Variants in SUGCT observed in about 807,000 individuals in gnomAD.
SUGCT encodes the protein succinyl-CoA:glutarate-CoA transferase.
SUGCT carries 41 observed loss-of-function variants against 55.0 expected under a neutral mutation model. That is an observed-to-expected ratio of 0.74 (90% CI 0.58 to 0.97). The LOEUF (loss-of-function observed/expected upper bound fraction) is 0.97, where lower values mean the gene tolerates loss of function less well. SUGCT is among the 50% of genes least tolerant of loss of function. SUGCT has a pLI of 0.00. For synonymous variants in SUGCT, 187 were observed against 200.4 expected (o/e 0.93, Z 0.56); for missense variants, 568 against 547.8 (o/e 1.04, Z -0.37).
At chr7:40,805,807 T>C (rs895591994) in intron 13 of SUGCT, among the ~76,000 whole-genome samples, 1 of 152,220 alleles carries the variant, frequency 6.6e-6, no homozygotes, top group Non-Finnish European at 1.5e-5. Flanking sequence ...TTCACGTTCC[T>C]GTAAAACATT....
intron 12 of SUGCT, among the ~76,000 whole-genome samples, chr7:40,575,027 C>G (rs757898986): frequency 6.6e-6 from 1 of 151,570 alleles, no homozygotes; most frequent in Non-Finnish European, 1.5e-5. Flanking sequence ...CATCGCACTG[C>G]CTCTGCATCC....
chr7:40,773,536 C>A (rs1789293464), intron 13 of SUGCT, among the ~76,000 whole-genome samples: 1 of 152,160 alleles, frequency 6.6e-6, no homozygotes, highest in Non-Finnish European at 1.5e-5. Context: ...ACAACATCAG[C>A]ATAGTGATGG....
At chr7:40,793,552 G>A (rs1790416712) in intron 13 of SUGCT, among the ~76,000 whole-genome samples, 1 of 151,726 alleles carries the variant, frequency 6.6e-6, no homozygotes, top group South Asian at 2.1e-4. Flanking sequence ...TTTTGTCTTG[G>A]ACTTTATTTT....
the SUGCT span, among the ~76,000 whole-genome samples, chr7:41,018,599 A>G: frequency 6.6e-6 from 1 of 152,184 alleles, no homozygotes; most frequent in East Asian, 1.9e-4. Context: ...TCAGAGATTG[A>G]TAGTATTTAA....
At chr7:40,695,424 A>T (rs1457759830) in intron 12 of SUGCT, among the ~76,000 whole-genome samples, 1 of 151,868 alleles carries the variant, frequency 6.6e-6, no homozygotes, top group East Asian at 1.9e-4. Flanking sequence ...TCTCGAGCTC[A>T]TGGGCTCAAG....
chr7:40,296,740 A>C (rs1794175913), intron 8 of SUGCT, among the ~76,000 whole-genome samples: 2 of 151,458 alleles, frequency 1.3e-5, no homozygotes, highest in Admixed American at 1.3e-4. Context: ...TGGTTAGGAA[A>C]ACCTTAGTCT....
chr7:40,167,817 G>A (rs527956980), intron 1 of SUGCT, among the ~76,000 whole-genome samples: 382 of 152,256 alleles, frequency 2.5e-3, no homozygotes, highest in Admixed American at 4.2e-3. Flanking sequence ...GCGGGTCTGC[G>A]ACAGCAGCAA....
At chr7:40,239,301 G>T (rs1467790096) in intron 7 of SUGCT, among the ~76,000 whole-genome samples, 1 of 151,986 alleles carries the variant, frequency 6.6e-6, no homozygotes, top group Non-Finnish European at 1.5e-5. Flanking sequence ...GGCTTGTCTT[G>T]AACTCCTGGA....
At chr7:40,898,186 C>T in the SUGCT span, among the ~76,000 whole-genome samples, 1 of 152,114 alleles carries the variant, frequency 6.6e-6, no homozygotes, top group African/African-American at 2.4e-5. Flanking sequence ...GACTGAACAA[C>T]TCTGGACGTG....
chr7:40,649,144 T>G (rs1800656727), intron 12 of SUGCT, among the ~76,000 whole-genome samples: 1 of 152,170 alleles, frequency 6.6e-6, no homozygotes, highest in South Asian at 2.1e-4. Context: ...TTTTCTCTGG[T>G]GTTTTGAAAT....
At chr7:40,944,611 G>C in the SUGCT span, among the ~76,000 whole-genome samples, 1 of 152,094 alleles carries the variant, frequency 6.6e-6, no homozygotes, top group Admixed American at 6.6e-5. Context: ...TGTTATTTCT[G>C]AGGGCTCTGT....
intron 12 of SUGCT, among the ~76,000 whole-genome samples, chr7:40,678,987 G>A (rs547149348): frequency 6.6e-6 from 1 of 152,158 alleles, no homozygotes; most frequent in Non-Finnish European, 1.5e-5. Flanking sequence ...GTTGACTTTG[G>A]TAGCCACCTA....
chr7:40,312,102 C>G (rs577038131), intron 8 of SUGCT, among the ~76,000 whole-genome samples: 1 of 150,326 alleles, frequency 6.7e-6, no homozygotes, highest in African/African-American at 2.5e-5. Flanking sequence ...TGCAATGGCG[C>G]GATCTCGGCT....
At chr7:40,272,101 A>G (rs1241921168) in intron 7 of SUGCT, among the ~76,000 whole-genome samples, 1 of 125,354 alleles carries the variant, frequency 8.0e-6, no homozygotes, top group African/African-American at 3.4e-5. Flanking sequence ...CTCTCTATAT[A>G]TATATATATA....
At chr7:41,002,730 A>G in the SUGCT span, among the ~76,000 whole-genome samples, 18 of 152,342 alleles carry the variant, frequency 1.2e-4, no homozygotes, top group East Asian at 3.5e-3. Flanking sequence ...TAGGTGTCAG[A>G]CACTTTCTGA....
intron 5 of SUGCT, among the ~76,000 whole-genome samples, chr7:40,192,975 T>G (rs1534674): frequency 0.48 from 66,925 of 140,438 alleles, 15,165 homozygotes; most frequent in Middle Eastern, 0.61. Context: ...TAGTGTTTTT[T>G]TTTTTTTTTT....
intron 12 of SUGCT, among the ~76,000 whole-genome samples, chr7:40,730,403 A>G (rs868121058): frequency 2.0e-5 from 3 of 152,140 alleles, no homozygotes; most frequent in African/African-American, 7.2e-5. Context: ...CACCATGCCC[A>G]GTCTATTTTT....
chr7:40,139,179 T>C, intron 1 of SUGCT, among the ~76,000 whole-genome samples: 1 of 144,678 alleles, frequency 6.9e-6, no homozygotes, highest in Non-Finnish European at 1.5e-5. Flanking sequence ...AATAAATAAA[T>C]CCAGGATTCA....
In SUGCT at chr7:40,634,513, C is replaced by T. The variant is rs762993074; in HGVS notation, c.1090-114921C>T. Among the ~76,000 whole-genome samples, 13 of 152,180 alleles carry T rather than the reference C, an allele frequency of 8.5e-5. No individual in the cohort carries two copies. In the South Asian group the frequency reaches 1.9e-3, roughly 22 times the overall value. On this transcript the variant is annotated intron_variant, in intron 12 of 13. Transcript: ENST00000335693. ...AAGATCCCGGACTTCTACTATAAGACCTGGTTCTGCACTGTAGACTGTGGT... is the reference window on the plus strand; with the variant it reads ...AAGATCCCGGACTTCTACTATAAGATCTGGTTCTGCACTGTAGACTGTGGT...
Sources: allele counts gnomAD v4.1 joint callset (sites outside exome capture counted in the v4.1 genomes callset), GRCh38; gene constraint gnomAD v4.1.1; transcripts MANE v1.5; gene names NCBI Gene and HGNC (gene_info 2026-07-23, HGNC 2026-07-21).